YTHDC2: variants seen among roughly 807,000 people sequenced by gnomAD.
The protein encoded by YTHDC2 is 3'-5' RNA helicase YTHDC2.
A neutral mutation model predicts 174.9 loss-of-function variants in YTHDC2; 45 were observed. The ratio of observed to expected loss-of-function variants is 0.26; its 90% CI spans 0.20 to 0.33. The LOEUF (loss-of-function observed/expected upper bound fraction) is 0.33. YTHDC2 is among the 10% of genes least tolerant of loss of function. The pLI is 1.00. For missense variants in YTHDC2, 1,650 were observed against 1,723.7 expected (o/e 0.96, Z 0.76); for synonymous variants, 657 against 574.5 (o/e 1.14, Z -2.05).
chr5:113,551,877 A>G (rs1362900261), intron 12 of YTHDC2, among the ~76,000 whole-genome samples: 1 of 152,202 alleles, frequency 6.6e-6, no homozygotes, highest in Non-Finnish European at 1.5e-5. Flanking sequence ...TGAACTTCCT[A>G]GAAATTCTGT....
intron 2 of YTHDC2, among the ~76,000 whole-genome samples, chr5:113,519,317 A>G (rs1044143841): frequency 3.3e-5 from 5 of 152,046 alleles, no homozygotes; most frequent in African/African-American, 9.7e-5. Context: ...TCACATCATT[A>G]TTTACTTTTT....
intron 24 of YTHDC2, among the ~76,000 whole-genome samples, chr5:113,580,956 A>G (rs574339679): frequency 1.8e-4 from 28 of 152,168 alleles, no homozygotes; most frequent in Non-Finnish European, 3.1e-4. Context: ...TACTCCCTCT[A>G]TACATTCCCT....
At chr5:113,522,851 C>G (rs934431133) in intron 2 of YTHDC2, among the ~76,000 whole-genome samples, 4 of 152,114 alleles carry the variant, frequency 2.6e-5, no homozygotes, top group African/African-American at 9.7e-5. Flanking sequence ...CACAAGTAGA[C>G]TCCTTTACTA....
chr5:113,526,726 A>G lies in YTHDC2; in HGVS notation c.616A>G (p.Ile206Val), dbSNP rs1161602926. 1.3e-6 allele frequency: 2 copies of G among 1,578,790 alleles called. No homozygotes were observed. Among genetic ancestry groups the G allele is most frequent in the African/African-American group, 1.4e-5 (1 of 73,436 alleles). The part of the protein sequence containing the change: ...FEKQEEIVKI[I>V]KENKVVLIVG... ...GAAACAGGAAGAAATTGTTAAAATA[A>G]TTAAGGAAAATAAAGTAGTTTTGAT... Residue 206 changes from isoleucine (I) to valine (V), a missense_variant, in exon 4 of 30, where the codon ATT (isoleucine) becomes GTT (valine). Ile to Val is a conservative substitution (Grantham distance 29, BLOSUM62 3). Transcript: ENST00000161863.
Position 113,553,320 on chromosome 5 carries a change from A to G in YTHDC2, c.1828A>G (p.Met610Val). 1.2e-6 allele frequency: 2 copies of G among 1,610,368 alleles called. No homozygotes were observed. The highest frequency in any genetic ancestry group is 1.1e-5 in the South Asian group (1 of 90,312). ...DDEKVDLDLI[M>V]HLLYNICHSC... is the part of the protein sequence containing the mutation. Reference sequence around the variant, plus strand: ...TGAAAAAGTAGACTTGGATTTGATCATGCATCTTCTATACAATATCTGCCA... The same window carrying G: ...TGAAAAAGTAGACTTGGATTTGATCGTGCATCTTCTATACAATATCTGCCA... Residue 610 changes from methionine to valine, a missense_variant, in exon 13 of 30, where the codon ATG (methionine) becomes GTG (valine). Met to Val is a conservative substitution (Grantham distance 21). Around this residue, in one of 5 missense-constraint regions of YTHDC2, gnomAD observed 411 missense variants for 380.6 expected, o/e 1.08. Coordinates refer to ENST00000161863, the MANE Select transcript of YTHDC2 (RefSeq NM_022828.5).
At chr5:113,522,134 G>GTTTTTTTTTTT (rs371407386) in intron 2 of YTHDC2, among the ~76,000 whole-genome samples, 2 of 106,338 alleles carry the variant, frequency 1.9e-5, no homozygotes, top group Non-Finnish European at 4.4e-5. Context: ...TGTTTTTTTT[G>GTTTTTTTTTTT]TTTTTTGTTT....
At chr5:113,543,638 C>T (rs1775636170) in intron 10 of YTHDC2, among the ~76,000 whole-genome samples, 1 of 152,222 alleles carries the variant, frequency 6.6e-6, no homozygotes, top group South Asian at 2.1e-4. Context: ...TGCTTGTTCT[C>T]AACTCTCGCA....
intron 12 of YTHDC2, 87 bp from the exon 13 acceptor site, chr5:113,553,094 T>G (rs1028464953): frequency 2.8e-5 from 36 of 1,269,238 alleles, no homozygotes; most frequent in Non-Finnish European, 3.3e-5. Context: ...CTTACCTTCC[T>G]TAGGGAATAT....
At chr5:113,568,190 A>C (rs1163608916) in intron 23 of YTHDC2, among the ~76,000 whole-genome samples, 4 of 152,090 alleles carry the variant, frequency 2.6e-5, no homozygotes, top group Admixed American at 2.6e-4. Flanking sequence ...TCATGCTAAC[A>C]CTTTTTAATG....
chr5:113,519,041 GA>G (rs1773679739), intron 2 of YTHDC2, among the ~76,000 whole-genome samples: 1 of 117,238 alleles, frequency 8.5e-6, no homozygotes, highest in East Asian at 2.2e-4. Flanking sequence ...GCTAATTTAA[GA>G]TTTTTTTTTT....
chr5:113,520,342 G>T (rs137936642), intron 2 of YTHDC2, among the ~76,000 whole-genome samples: 3 of 152,104 alleles, frequency 2.0e-5, no homozygotes, highest in Non-Finnish European at 4.4e-5. Context: ...GTATAACTTC[G>T]CTACCTAACT....
chr5:113,573,645 T>C (rs1777866692), intron 23 of YTHDC2, among the ~76,000 whole-genome samples: 1 of 152,202 alleles, frequency 6.6e-6, no homozygotes, highest in Non-Finnish European at 1.5e-5. Context: ...CCCATATTTC[T>C]TGGAGGTTTT....
intron 17 of YTHDC2, 34 bp from the exon 18 acceptor site, chr5:113,561,046 T>A: frequency 6.5e-7 from 1 of 1,543,950 alleles, no homozygotes; most frequent in Non-Finnish European, 8.8e-7. Context: ...CTTTATTCGT[T>A]GTTTGAGTCC....
rs914741465 is a variant in YTHDC2, at chr5:113,538,960, T to C, written c.1103-114T>C. The stretch of plus-strand genomic sequence containing the variant: ...ACAATATTATAAGAGTCACTTGAAC[T>C]ATGAAATTGCTTTTGGATATTATAC... On this transcript the variant is annotated intron_variant, in intron 7 of 29. Transcript: ENST00000161863. 1.3e-5 allele frequency: 7 copies of C among 538,174 alleles called. No individual in the cohort carries two copies. In the African/African-American group the frequency reaches 1.4e-4, roughly 11 times the overall value. The allele number at this position is 538,174 out of a possible 1,614,324, so 33.3% of individuals were successfully genotyped here.
intron 10 of YTHDC2, 66 bp downstream of exon 10, chr5:113,542,569 C>G (rs1775561962): frequency 1.4e-6 from 2 of 1,454,170 alleles, no homozygotes; most frequent in Admixed American, 2.4e-5. Context: ...TAGTTTAATT[C>G]AAAACGTATG....
At chr5:113,514,418 C>T in intron 1 of YTHDC2, 1 of 519,480 alleles carries the variant, frequency 1.9e-6, no homozygotes, top group South Asian at 1.7e-5. Context: ...GGGGGTGTCA[C>T]CTAATTGTGG....
intron 23 of YTHDC2, among the ~76,000 whole-genome samples, chr5:113,575,254 T>C (rs994929758): frequency 5.9e-5 from 9 of 152,208 alleles, no homozygotes; most frequent in African/African-American, 2.2e-4. Flanking sequence ...TTTCAAATTA[T>C]TTGCTATTTA....
chr5:113,544,184 C>G (rs1228916155), intron 10 of YTHDC2, among the ~76,000 whole-genome samples: 1 of 152,136 alleles, frequency 6.6e-6, no homozygotes, highest in African/African-American at 2.4e-5. Flanking sequence ...AAGTCTCTCT[C>G]TGTCATCAGG....
chr5:113,576,214 G>A (rs187185346), intron 23 of YTHDC2, among the ~76,000 whole-genome samples: 1 of 152,230 alleles, frequency 6.6e-6, no homozygotes. Context: ...TTATAGACAT[G>A]AGAATGGATT....
Sources: gnomAD v4.1 joint callset for allele counts (sites outside exome capture counted in the v4.1 genomes callset) on GRCh38, gnomAD v4.1.1 for gene constraint, gnomAD v4.1.1 regional missense constraint, MANE v1.5 for transcripts, NCBI Gene and HGNC (gene_info 2026-07-23, HGNC 2026-07-21) for gene names.